ADCY2: variants seen among roughly 807,000 people sequenced by gnomAD.
ADCY2 encodes adenylate cyclase 2, also known as adenylate cyclase type 2.
Under a neutral mutation model 125.2 loss-of-function variants are expected in ADCY2, and 31 were observed. The ratio of observed to expected loss-of-function variants is 0.25; its 90% CI spans 0.19 to 0.33. The LOEUF is 0.33. ADCY2 is among the 10% of genes least tolerant of loss of function. The pLI, the probability that ADCY2 is intolerant of heterozygous loss-of-function variation, is 1.00. For missense variants in ADCY2, 904 were observed against 1,418.2 expected (o/e 0.64, Z 5.82); for synonymous variants, 512 against 548.4 (o/e 0.93, Z 0.93).
At chr5:7,545,373 T>G (rs1302803524) in intron 3 of ADCY2, among the ~76,000 whole-genome samples, 1 of 152,146 alleles carries the variant, frequency 6.6e-6, no homozygotes, top group Non-Finnish European at 1.5e-5. Flanking sequence ...AGAAAAATAA[T>G]TTATTAGAGA....
intron 2 of ADCY2, among the ~76,000 whole-genome samples, chr5:7,496,073 G>C (rs1328320228): frequency 6.6e-6 from 1 of 152,116 alleles, no homozygotes. Context: ...AAGAACCAAA[G>C]ATTGGAACTA....
intron 2 of ADCY2, among the ~76,000 whole-genome samples, chr5:7,417,075 G>A (rs1303333925): frequency 3.3e-5 from 5 of 152,164 alleles, no homozygotes; most frequent in South Asian, 2.1e-4. Context: ...TGAAAGGGTC[G>A]TGTATAAAAC....
intron 15 of ADCY2, among the ~76,000 whole-genome samples, chr5:7,755,604 GAC>G (rs945456178): frequency 2.0e-4 from 31 of 152,296 alleles, no homozygotes; most frequent in African/African-American, 7.2e-4. Flanking sequence ...CCTCTGCAAA[GAC>G]AGAGGAGGCA....
At chr5:7,444,315 C>T (rs1741146401) in intron 2 of ADCY2, among the ~76,000 whole-genome samples, 1 of 151,982 alleles carries the variant, frequency 6.6e-6, no homozygotes, top group African/African-American at 2.4e-5. Context: ...TGGGGTTTCA[C>T]CGTGTTAGCC....
chr5:7,763,056 TTTGTTTG>T (rs1560962896), intron 16 of ADCY2, among the ~76,000 whole-genome samples: 8 of 106,570 alleles, frequency 7.5e-5, no homozygotes, highest in African/African-American at 1.3e-4. Flanking sequence ...GTTTTTTTTG[TTTGTTTG>T]TTTGTTTGTT....
intron 4 of ADCY2, among the ~76,000 whole-genome samples, chr5:7,656,653 C>T (rs1739342184): frequency 6.6e-6 from 1 of 152,160 alleles, no homozygotes; most frequent in African/African-American, 2.4e-5. Context: ...AACCAGAGTA[C>T]AGAATTCTAT....
rs138062440 is a variant in ADCY2 at position 7,738,680 on chromosome 5, T to C, written c.1872-4988T>C. On this transcript the variant is annotated intron_variant, in intron 14 of 24. Coordinates refer to ENST00000338316, the MANE Select transcript of ADCY2 (RefSeq NM_020546.3). The stretch of plus-strand genomic sequence containing the variant: ...GTTAGGTAGCTTGAAAGTGAAAGGA[T>C]GGAAAACGTATCTGATGTAAACAAT... 1.6e-3 allele frequency among the ~76,000 whole-genome samples: 249 copies of C among 152,064 alleles called. 2 individuals are homozygous for C. The highest frequency in any genetic ancestry group is 5.7e-3 in the African/African-American group (235 of 41,536).
intron 4 of ADCY2, among the ~76,000 whole-genome samples, chr5:7,674,990 C>G: frequency 6.6e-6 from 1 of 151,916 alleles, no homozygotes; most frequent in Non-Finnish European, 1.5e-5. Flanking sequence ...TCCGTCTCTA[C>G]TAAAAATACA....
chr5:7,506,545 T>G (rs1321149397), intron 2 of ADCY2, among the ~76,000 whole-genome samples: 2 of 152,194 alleles, frequency 1.3e-5, no homozygotes, highest in African/African-American at 4.8e-5. Context: ...GCCAGGGCAC[T>G]GTGATATTTG....
Position 7,520,826 on chromosome 5 carries a change from C to T in ADCY2, c.497C>T (p.Ser166Phe), listed in dbSNP as rs1744417678. 2 of 1,614,114 alleles carry T rather than the reference C, an allele frequency of 1.2e-6. No individual in the cohort carries two copies. The highest frequency in any genetic ancestry group is 1.7e-6 in the Non-Finnish European group (2 of 1,180,046). Reference protein sequence around the residue: ...RDAIIASVLTSSSHTIVLSVC... With the variant: ...RDAIIASVLTFSSHTIVLSVC... The stretch of plus-strand genomic sequence containing the variant: ...GCCATCATTGCCAGCGTCCTCACCT[C>T]CTCCTCCCACACCATCGTGCTTAGC... Residue 166 changes from serine to phenylalanine, a missense_variant, in exon 3 of 25, where the codon TCC (serine) becomes TTC (phenylalanine). By Grantham distance (155) the Ser-to-Phe change is radical. Around this residue, in one of 7 missense-constraint regions of ADCY2, gnomAD observed 121 missense variants for 161.5 expected, o/e 0.75. Coordinates refer to ENST00000338316, the MANE Select transcript of ADCY2 (RefSeq NM_020546.3).
At chr5:7,683,239 T>G (rs934606863) in intron 4 of ADCY2, among the ~76,000 whole-genome samples, 1 of 152,202 alleles carries the variant, frequency 6.6e-6, no homozygotes, top group African/African-American at 2.4e-5. Flanking sequence ...CCAGAGCTTT[T>G]ACCCTGAAGC....
intron 2 of ADCY2, among the ~76,000 whole-genome samples, chr5:7,451,885 T>C (rs1175208460): frequency 6.6e-6 from 1 of 152,058 alleles, no homozygotes; most frequent in Non-Finnish European, 1.5e-5. Flanking sequence ...ATGTACATTA[T>C]ACCCAATATG....
chr5:7,411,306 G>A (rs922757373), intron 1 of ADCY2, among the ~76,000 whole-genome samples: 2 of 152,142 alleles, frequency 1.3e-5, no homozygotes, highest in African/African-American at 2.4e-5. Flanking sequence ...CCTCTGAGGT[G>A]GGGGTGTGTG....
At chr5:7,795,091 A>T (rs1218945379) in intron 20 of ADCY2, 1 of 152,184 alleles carries the variant, frequency 6.6e-6, no homozygotes, top group Non-Finnish European at 1.5e-5. Context: ...TGGTCCCCAC[A>T]CAAGCCTTCC....
intron 16 of ADCY2, among the ~76,000 whole-genome samples, chr5:7,764,035 A>C (rs533440982): frequency 6.6e-6 from 1 of 152,314 alleles, no homozygotes; most frequent in Non-Finnish European, 1.5e-5. Context: ...CAACGGGAAC[A>C]GTGTGTTCAG....
In ADCY2 at chr5:7,431,671, C is replaced by A. The variant is rs114748439; in HGVS notation, c.408+16901C>A. Among the ~76,000 whole-genome samples the A allele has an allele frequency of 6.7e-3, 1,016 of 152,038 alleles. 8 individuals carry two copies. Among genetic ancestry groups the A allele is most frequent in the Middle Eastern group, 0.041 (12 of 294 alleles). On this transcript the variant is annotated intron_variant, in intron 2 of 24. Transcript: ENST00000338316. ...CAGGCAGGAAAAAATAGTTGCAAAT[C>A]ATTATAAAATCTGACCAAGGACTTT...
Position 7,729,435 on chromosome 5 carries a change from A to C in ADCY2, c.1871+2174A>C, listed in dbSNP as rs1579364963. On this transcript the variant is annotated intron_variant, in intron 14 of 24. Transcript: ENST00000338316. ...TTTATTCAATTTGATATCTTTCTTT[A>C]TATTAATTTCTTCTATATTTATTTT... 2.6e-5 allele frequency among the ~76,000 whole-genome samples: 4 copies of C among 151,622 alleles called. No homozygotes were observed. In the South Asian group the frequency reaches 8.3e-4, roughly 31 times the overall value.
intron 13 of ADCY2, among the ~76,000 whole-genome samples, chr5:7,725,465 T>C (rs1045778169): frequency 6.6e-6 from 1 of 151,322 alleles, no homozygotes; most frequent in East Asian, 1.9e-4. Flanking sequence ...ACCAAAAGGT[T>C]TTTTTTTTAT....
intron 4 of ADCY2, among the ~76,000 whole-genome samples, chr5:7,666,245 G>C (rs1165999264): frequency 6.6e-6 from 1 of 151,918 alleles, no homozygotes; most frequent in African/African-American, 2.4e-5. Context: ...CCATTTCCTA[G>C]GCTGCCAGGA....
Sources: gnomAD v4.1 joint callset for allele counts (sites outside exome capture counted in the v4.1 genomes callset) on GRCh38, gnomAD v4.1.1 for gene constraint, gnomAD v4.1.1 regional missense constraint, MANE v1.5 for transcripts, NCBI Gene and HGNC (gene_info 2026-07-23, HGNC 2026-07-21) for gene names.